The following CFH variants were observed in gnomAD, a reference collection of about 807,000 sequenced individuals.
CFH encodes H factor 1 (complement).
In CFH, 53 loss-of-function variants were observed where a neutral mutation model predicts 147.3. The ratio of observed to expected loss-of-function variants is 0.36; its 90% CI spans 0.29 to 0.45. The LOEUF (loss-of-function observed/expected upper bound fraction) is 0.45, where lower values mean the gene tolerates loss of function less well. Ranked by LOEUF, CFH falls within the 20% of genes least tolerant of loss-of-function variation. CFH has a pLI of 1.00. For missense variants in CFH, 1,380 were observed against 1,498.0 expected (o/e 0.92, Z 1.30); for synonymous variants, 536 against 489.4 (o/e 1.10, Z -1.26).
chr1:196,737,054 A>G (rs1221933877), intron 16 of CFH, 48 bp downstream of exon 16: 1 of 1,486,114 alleles, frequency 6.7e-7, no homozygotes, highest in Non-Finnish European at 9.3e-7. Context: ...AATGAGGTTA[A>G]TATTCTCTTG....
intron 9 of CFH, among the ~76,000 whole-genome samples, chr1:196,702,354 G>C (rs1025398655): frequency 6.6e-6 from 1 of 152,046 alleles, no homozygotes; most frequent in African/African-American, 2.4e-5. Context: ...CTCTGGTTCT[G>C]AGAGGCAGTT....
intron 20 of CFH, among the ~76,000 whole-genome samples, chr1:196,745,080 C>G (rs1425905475): frequency 6.6e-6 from 1 of 152,078 alleles, no homozygotes; most frequent in Non-Finnish European, 1.5e-5. Flanking sequence ...TAGTTTTTGT[C>G]TAGTTGCTTT....
chr1:196,672,874 T>A (rs1217539529), intron 1 of CFH, 104 bp from the exon 2 acceptor site: 1 of 850,220 alleles, frequency 1.2e-6, no homozygotes, highest in Non-Finnish European at 1.9e-6. Context: ...GAAATTTAGA[T>A]AGACCTGTGA....
chr1:196,717,279 A>G (rs1005462053), intron 11 of CFH, among the ~76,000 whole-genome samples: 16 of 152,132 alleles, frequency 1.1e-4, no homozygotes, highest in Non-Finnish European at 1.2e-4. Context: ...TCTTGTTGGT[A>G]AAATGTCACA....
intron 1 of CFH, among the ~76,000 whole-genome samples, chr1:196,669,362 G>C (rs1667200111): frequency 1.3e-5 from 2 of 152,252 alleles, no homozygotes; most frequent in African/African-American, 2.4e-5. Flanking sequence ...CCATGACAAG[G>C]GAAAAATGTC....
intron 21 of CFH, among the ~76,000 whole-genome samples, chr1:196,746,534 T>C (rs945471382): frequency 6.6e-6 from 1 of 152,254 alleles, no homozygotes; most frequent in Non-Finnish European, 1.5e-5. Flanking sequence ...AAAATATATT[T>C]TGATGTTTGA....
chr1:196,691,082 A>T (rs765813394), intron 9 of CFH, among the ~76,000 whole-genome samples: 7 of 152,114 alleles, frequency 4.6e-5, no homozygotes, highest in Non-Finnish European at 1.0e-4. Context: ...CTTTCATTAA[A>T]AGGAAAAACC....
intron 15 of CFH, among the ~76,000 whole-genome samples, chr1:196,731,008 A>G (rs1004314007): frequency 1.3e-5 from 2 of 151,820 alleles, no homozygotes; most frequent in Non-Finnish European, 3.0e-5. Flanking sequence ...ATAATTGGAT[A>G]TTAATTTTTG....
At chr1:196,698,331 C>T (rs1315475631) in intron 9 of CFH, among the ~76,000 whole-genome samples, 1 of 151,894 alleles carries the variant, frequency 6.6e-6, no homozygotes, top group Non-Finnish European at 1.5e-5. Flanking sequence ...ACTAGCCATA[C>T]TAATAAAGAA....
At chr1:196,712,773 C>G (rs1310529978) in intron 9 of CFH, among the ~76,000 whole-genome samples, 5 of 121,582 alleles carry the variant, frequency 4.1e-5, no homozygotes, top group Non-Finnish European at 8.4e-5. Flanking sequence ...CCCCTCCCCC[C>G]ACCCCACAGC....
chr1:196,681,938 T>C (rs1024531623), intron 6 of CFH, among the ~76,000 whole-genome samples: 21 of 151,786 alleles, frequency 1.4e-4, no homozygotes, highest in African/African-American at 4.8e-4. Context: ...TCAGGTAACT[T>C]CAAACTCTCT....
intron 4 of CFH, among the ~76,000 whole-genome samples, 177 bp downstream of exon 4, chr1:196,676,242 G>A (rs1667448966): frequency 6.6e-6 from 1 of 151,660 alleles, no homozygotes; most frequent in African/African-American, 2.4e-5. Context: ...TGTTTCAAAA[G>A]CCAAAAACGA....
At chr1:196,725,012 G>T (rs1669102282) in intron 11 of CFH, 109 bp from the exon 12 acceptor site, 1 of 812,880 alleles carries the variant, frequency 1.2e-6, no homozygotes, top group South Asian at 1.6e-5. Flanking sequence ...TTTATCTGAT[G>T]CCCCTCTGTA....
At chr1:196,655,028 A>G (rs956400012) in intron 1 of CFH, among the ~76,000 whole-genome samples, 6 of 152,154 alleles carry the variant, frequency 3.9e-5, no homozygotes, top group Non-Finnish European at 7.3e-5. Context: ...AAAATACTTT[A>G]CGTGTTGATA....
intron 1 of CFH, among the ~76,000 whole-genome samples, chr1:196,656,653 C>T (rs1490580309): frequency 2.7e-5 from 4 of 148,284 alleles, no homozygotes; most frequent in Non-Finnish European, 5.9e-5. Context: ...TCCACAAGTA[C>T]TACTTAGTAA....
At chr1:196,683,744 A>C (rs186405952) in intron 6 of CFH, among the ~76,000 whole-genome samples, 1 of 151,904 alleles carries the variant, frequency 6.6e-6, no homozygotes, top group East Asian at 1.9e-4. Flanking sequence ...ATAGATACAG[A>C]TAATGTTGAG....
At chr1:196,662,895 T>C (rs1283609278) in intron 1 of CFH, among the ~76,000 whole-genome samples, 1 of 151,944 alleles carries the variant, frequency 6.6e-6, no homozygotes, top group East Asian at 1.9e-4. Context: ...ATAAAATAAA[T>C]TTTATGAATC....
Position 196,673,973 on chromosome 1 carries a change from C to T in CFH, c.350+11C>T, listed in dbSNP as rs1667372598. 2.6e-6 allele frequency: 4 copies of T among 1,545,648 alleles called. No homozygotes were observed. The African/African-American group carries it at 5.4e-5, about 21-fold the overall frequency. Reference sequence around the variant, plus strand: ...TACATGTAATGAGGGGTATGTAGTCCATACGAAAAGAGGTTTATAATTAAG... The same window carrying T: ...TACATGTAATGAGGGGTATGTAGTCTATACGAAAAGAGGTTTATAATTAAG... On this transcript the variant is annotated intron_variant, in intron 3 of 21. Transcript: ENST00000367429.
chr1:196,719,726 A>T (rs1398540101), intron 11 of CFH, among the ~76,000 whole-genome samples: 1 of 151,594 alleles, frequency 6.6e-6, no homozygotes, highest in Non-Finnish European at 1.5e-5. Flanking sequence ...CATGTAAGAG[A>T]TAATTTTACA....
Sources: gnomAD v4.1 joint callset for allele counts (sites outside exome capture counted in the v4.1 genomes callset) on GRCh38, gnomAD v4.1.1 for gene constraint, MANE v1.5 for transcripts, NCBI Gene and HGNC (gene_info 2026-07-23, HGNC 2026-07-21) for gene names.